Variants in CDK14 observed in about 807,000 individuals in gnomAD.
The protein encoded by CDK14 is cyclin dependent kinase 14.
In CDK14, 34 loss-of-function variants were observed where a neutral mutation model predicts 60.7. The observed-to-expected ratio is 0.56, with a 90% CI of 0.43 to 0.75. CDK14 has a LOEUF of 0.75. CDK14 is among the 30% of genes least tolerant of loss of function. The probability of loss-of-function intolerance (pLI) is 0.00; values close to 1 mark genes in which losing one functional copy is unlikely to be tolerated. For missense variants in CDK14, 482 were observed against 564.1 expected (o/e 0.85, Z 1.47); for synonymous variants, 197 against 203.7 (o/e 0.97, Z 0.28).
chr7:90,865,244 T>C (rs1224520857), intron 6 of CDK14, among the ~76,000 whole-genome samples: 2 of 152,134 alleles, frequency 1.3e-5, no homozygotes, highest in African/African-American at 4.8e-5. Context: ...AAAGAACCGC[T>C]TCAGTTTGTA....
Position 90,906,470 on chromosome 7 carries a change from A to G in CDK14, c.702+7117A>G, listed in dbSNP as rs530851770. Reference sequence around the variant, plus strand: ...AGAATGTGATGAATACTTAATTTTTATTATGGTGAACAATAGGAAAAAGCA... The same window carrying G: ...AGAATGTGATGAATACTTAATTTTTGTTATGGTGAACAATAGGAAAAAGCA... On this transcript the variant is annotated intron_variant, in intron 7 of 14. Transcript: ENST00000380050. 2.0e-5 allele frequency among the ~76,000 whole-genome samples: 3 copies of G among 152,260 alleles called. No homozygotes were observed. In the East Asian group the frequency reaches 5.8e-4, roughly 29 times the overall value.
chr7:90,758,841 A>G (rs1171814554), intron 4 of CDK14, among the ~76,000 whole-genome samples: 1 of 152,212 alleles, frequency 6.6e-6, no homozygotes, highest in Non-Finnish European at 1.5e-5. Flanking sequence ...GGATCACCTG[A>G]GGCCAGGAGT....
At chr7:90,861,330 A>G (rs1313736507) in intron 5 of CDK14, among the ~76,000 whole-genome samples, 2 of 152,222 alleles carry the variant, frequency 1.3e-5, no homozygotes, top group Admixed American at 1.3e-4. Context: ...AACAAGGAGA[A>G]CAAATAAAAA....
At chr7:91,060,471 A>G (rs539361447) in intron 11 of CDK14, among the ~76,000 whole-genome samples, 2 of 152,228 alleles carry the variant, frequency 1.3e-5, no homozygotes, top group South Asian at 4.1e-4. Context: ...TTTGCGCGTT[A>G]GTTGATGCAG....
chr7:90,955,243 C>G (rs550463233), intron 8 of CDK14, among the ~76,000 whole-genome samples: 45 of 152,244 alleles, frequency 3.0e-4, no homozygotes, highest in Admixed American at 2.2e-3. Flanking sequence ...GTATTATACT[C>G]TCCTCTTGCA....
intron 9 of CDK14, among the ~76,000 whole-genome samples, chr7:90,969,307 C>T (rs572338013): frequency 3.2e-4 from 48 of 152,168 alleles, no homozygotes; most frequent in Non-Finnish European, 6.0e-4. Flanking sequence ...CATTTGATGA[C>T]TGGAACTAAA....
chr7:90,902,578 T>C (rs527624993), intron 7 of CDK14, among the ~76,000 whole-genome samples: 9 of 152,200 alleles, frequency 5.9e-5, no homozygotes, highest in Middle Eastern at 3.4e-3. Flanking sequence ...ACAAGACTTA[T>C]TTTTCACCGT....
chr7:90,711,198 T>C (rs1200139494), intron 2 of CDK14, among the ~76,000 whole-genome samples: 1 of 152,042 alleles, frequency 6.6e-6, no homozygotes, highest in Non-Finnish European at 1.5e-5. Flanking sequence ...GATAGGCTAA[T>C]TGAGAGAAAT....
chr7:90,974,502 C>T (rs1436218132), intron 9 of CDK14, among the ~76,000 whole-genome samples: 2 of 152,060 alleles, frequency 1.3e-5, no homozygotes, highest in Admixed American at 6.6e-5. Context: ...TCAGCCAGTC[C>T]CTCTGTTCTG....
At chr7:91,092,335 A>G (rs1798855497) in intron 12 of CDK14, among the ~76,000 whole-genome samples, 1 of 152,220 alleles carries the variant, frequency 6.6e-6, no homozygotes, top group South Asian at 2.1e-4. Context: ...CCTCCTCCAC[A>G]TGAGAGAGGA....
intron 2 of CDK14, among the ~76,000 whole-genome samples, chr7:90,674,357 A>G (rs1277317764): frequency 6.6e-6 from 1 of 152,158 alleles, no homozygotes; most frequent in African/African-American, 2.4e-5. Context: ...CAGAGTTTAG[A>G]TGAGAAGTTT....
chr7:90,820,497 C>T (rs560711414), intron 5 of CDK14, among the ~76,000 whole-genome samples: 2 of 152,242 alleles, frequency 1.3e-5, no homozygotes, highest in South Asian at 2.1e-4. Flanking sequence ...ATTTCCCTGC[C>T]TCGCTCTGTC....
At chr7:91,168,091 G>A (rs1340259941) in intron 14 of CDK14, among the ~76,000 whole-genome samples, 3 of 151,866 alleles carry the variant, frequency 2.0e-5, no homozygotes, top group Admixed American at 6.6e-5. Context: ...GTAAAACCCC[G>A]TCTCTACTAA....
intron 5 of CDK14, among the ~76,000 whole-genome samples, chr7:90,797,545 A>G (rs1788483111): frequency 6.6e-6 from 1 of 151,994 alleles, no homozygotes; most frequent in Admixed American, 6.6e-5. Context: ...TTTGGGCCTT[A>G]GTAACCCTAC....
chr7:90,800,966 TCTC>T (rs1356243481), intron 5 of CDK14, among the ~76,000 whole-genome samples: 2 of 152,210 alleles, frequency 1.3e-5, no homozygotes, highest in African/African-American at 2.4e-5. Context: ...CTCTGTGTCT[TCTC>T]CTCTTATAGG....
chr7:91,063,803 T>C (rs1797883624), intron 11 of CDK14, among the ~76,000 whole-genome samples: 1 of 152,190 alleles, frequency 6.6e-6, no homozygotes, highest in African/African-American at 2.4e-5. Flanking sequence ...ACCATATGTC[T>C]CCTTCTGAAG....
chr7:91,132,665 TC>T (rs1800153091), intron 14 of CDK14, among the ~76,000 whole-genome samples: 2 of 152,172 alleles, frequency 1.3e-5, no homozygotes, highest in Non-Finnish European at 2.9e-5. Context: ...AAGATTCCAT[TC>T]ACATTTATGC....
At chr7:91,104,068 T>C (rs938301317) in intron 12 of CDK14, among the ~76,000 whole-genome samples, 5 of 152,214 alleles carry the variant, frequency 3.3e-5, no homozygotes, top group Non-Finnish European at 7.3e-5. Flanking sequence ...TAAAATTCCT[T>C]AGTTTTTTTT....
intron 14 of CDK14, among the ~76,000 whole-genome samples, chr7:91,124,600 A>T (rs930830778): frequency 1.3e-5 from 2 of 151,780 alleles, no homozygotes. Flanking sequence ...CAGCCTTTGG[A>T]TCCTTAAAAT....
Sources: allele counts gnomAD v4.1 joint callset (sites outside exome capture counted in the v4.1 genomes callset), GRCh38; gene constraint gnomAD v4.1.1; transcripts MANE v1.5; gene names NCBI Gene and HGNC (gene_info 2026-07-23, HGNC 2026-07-21).